The following FGFR1 variants were observed in gnomAD, a reference collection of about 807,000 sequenced individuals.
The protein encoded by FGFR1 is fibroblast growth factor receptor 1.
Under a neutral mutation model 93.7 loss-of-function variants are expected in FGFR1, and 18 were observed. That is an observed-to-expected ratio of 0.19 (90% CI 0.13 to 0.28). The LOEUF is 0.28. FGFR1 is among the 10% of genes least tolerant of loss of function. FGFR1 has a pLI of 1.00. For synonymous variants in FGFR1, 448 were observed against 429.3 expected (o/e 1.04, Z -0.54); for missense variants, 731 against 1,080.4 (o/e 0.68, Z 4.53).
chr8:38,455,711 T>A (rs1193748833), intron 2 of FGFR1, among the ~76,000 whole-genome samples: 1 of 152,210 alleles, frequency 6.6e-6, no homozygotes, highest in African/African-American at 2.4e-5. Context: ...ATAAACCATA[T>A]ACATGCTGTC....
chr8:38,427,750 C>T (rs1821304275), intron 5 of FGFR1, among the ~76,000 whole-genome samples, 171 bp downstream of exon 5: 1 of 152,112 alleles, frequency 6.6e-6, no homozygotes, highest in African/African-American at 2.4e-5. Context: ...AGAAAGAAGA[C>T]TGAAGAAATG....
chr8:38,420,855 G>T (rs1818485838), intron 8 of FGFR1, among the ~76,000 whole-genome samples: 1 of 152,234 alleles, frequency 6.6e-6, no homozygotes, highest in Non-Finnish European at 1.5e-5. Flanking sequence ...CAGAGCTGAT[G>T]ACAGGGAGAA....
intron 2 of FGFR1, among the ~76,000 whole-genome samples, chr8:38,451,676 A>C (rs796418991): frequency 6.6e-6 from 1 of 152,186 alleles, no homozygotes; most frequent in African/African-American, 2.4e-5. Context: ...GACTCCTTCA[A>C]ATCTGGGTGG....
Position 38,415,867 on chromosome 8 carries a change from C to A in FGFR1, c.1854+3G>T. 1 of 1,613,458 alleles carries A rather than the reference C, an allele frequency of 6.2e-7. No individual in the cohort carries two copies. The highest frequency in any genetic ancestry group is 8.5e-7 in the Non-Finnish European group (1 of 1,180,000). On this transcript the variant is annotated splice_donor_region_variant and intron_variant, in intron 13 of 17. Transcript: ENST00000447712. Reference sequence around the variant, plus strand: ...TACCCAGGGGAGCCTTCAGGTTCCACACCTTCTTGGAGGCCAGATACTCCA... The same window carrying A: ...TACCCAGGGGAGCCTTCAGGTTCCAAACCTTCTTGGAGGCCAGATACTCCA...
chr8:38,446,249 T>C (rs1487861610), intron 2 of FGFR1, among the ~76,000 whole-genome samples: 1 of 149,940 alleles, frequency 6.7e-6, no homozygotes, highest in African/African-American at 2.5e-5. Flanking sequence ...TCTTGCTATG[T>C]AGCCAGGCTG....
chr8:38,427,180 C>T (rs574453250), intron 5 of FGFR1, among the ~76,000 whole-genome samples: 68 of 152,012 alleles, frequency 4.5e-4, no homozygotes, highest in Non-Finnish European at 9.1e-4. Context: ...AGGAAGCACG[C>T]TTAAAAAAAT....
intron 2 of FGFR1, among the ~76,000 whole-genome samples, chr8:38,456,990 C>T (rs1779372945): frequency 6.6e-6 from 1 of 152,178 alleles, no homozygotes; most frequent in South Asian, 2.1e-4. Context: ...TCATTCTCTC[C>T]CCATTGCACC....
chr8:38,428,154 G>C (rs2150922892), intron 4 of FGFR1, 61 bp from the exon 5 acceptor site: 5 of 1,608,434 alleles, frequency 3.1e-6, no homozygotes, highest in Non-Finnish European at 4.2e-6. Context: ...TCAGGCTCAG[G>C]AGCAGGGCCC....
intron 13 of FGFR1, among the ~76,000 whole-genome samples, chr8:38,415,302 A>G (rs768011536): frequency 2.6e-5 from 4 of 151,442 alleles, no homozygotes; most frequent in Non-Finnish European, 5.9e-5. Context: ...GTTATACTTT[A>G]TTTTCTTTTG....
At chr8:38,418,612 C>G in intron 9 of FGFR1, 1 of 573,414 alleles carries the variant, frequency 1.7e-6, no homozygotes, top group Non-Finnish European at 3.1e-6. Flanking sequence ...ATAAGCAGAC[C>G]AAATGCACCT....
At chr8:38,463,519 T>C (rs1268227947) in intron 1 of FGFR1, 1 of 221,602 alleles carries the variant, frequency 4.5e-6, no homozygotes. Flanking sequence ...ACAGGGTCTG[T>C]GCCTCCCTAA....
intron 2 of FGFR1, among the ~76,000 whole-genome samples, chr8:38,438,204 G>C (rs1038379729): frequency 2.6e-5 from 4 of 151,738 alleles, no homozygotes; most frequent in Non-Finnish European, 5.9e-5. Flanking sequence ...ATAGTTCTCA[G>C]CATGTGTTAA....
intron 2 of FGFR1, chr8:38,434,356 G>A (rs1292861347): frequency 2.3e-5 from 5 of 218,598 alleles, no homozygotes; most frequent in South Asian, 1.7e-4. Context: ...TATAACAACC[G>A]CTAATCAGTT....
At position 38,419,362 on chromosome 8, in the gene FGFR1, A is replaced by G. The variant is rs17176002; in HGVS notation, c.1284+171T>C. Among the ~76,000 whole-genome samples, 400 of 152,296 alleles carry G rather than the reference A, an allele frequency of 2.6e-3. 3 individuals are homozygous for G. Among genetic ancestry groups the G allele is most frequent in the Middle Eastern group, 0.017 (5 of 294 alleles). On this transcript the variant is annotated intron_variant, in intron 9 of 17. Coordinates refer to ENST00000447712, the MANE Select transcript of FGFR1 (RefSeq NM_023110.3). ...AGGGTGCAGGAAATTCACGGGCTAC[A>G]CTAGCTTGAAACAGACTCTAGAGCA...
intron 1 of FGFR1, among the ~76,000 whole-genome samples, chr8:38,460,546 G>C (rs745783286): frequency 6.6e-6 from 1 of 152,050 alleles, no homozygotes; most frequent in Non-Finnish European, 1.5e-5. Context: ...GCTGCAGACC[G>C]CCCTCTCTCA....
chr8:38,414,123 C>T (rs1815412925), intron 16 of FGFR1, 29 bp downstream of exon 16: 1 of 1,614,212 alleles, frequency 6.2e-7, no homozygotes, highest in Non-Finnish European at 8.5e-7. Context: ...AGGCCTGGCT[C>T]AGGGCCTCCG....
At position 38,450,666 on chromosome 8, in the gene FGFR1, T is replaced by C. The variant is rs552188498; in HGVS notation, c.91+6690A>G. Among the ~76,000 whole-genome samples the C allele has an allele frequency of 2.6e-5, 4 of 152,224 alleles. No individual in the cohort carries two copies. In the East Asian group the frequency reaches 7.7e-4, roughly 29 times the overall value. On this transcript the variant is annotated intron_variant, in intron 2 of 17. Coordinates refer to ENST00000447712, the MANE Select transcript of FGFR1 (RefSeq NM_023110.3). ...ACTCCAGGTAGTCACAGGAACCAGG[T>C]GATGGAAACCCTGACAGAGTCTTTG...
rs2150477188 is a variant in FGFR1 at position 38,411,608 on chromosome 8, T to C, written c.*2020A>G. The C allele has an allele frequency of 8.8e-6, 2 of 228,536 alleles. No individual in the cohort carries two copies. Among genetic ancestry groups the C allele is most frequent in the Middle Eastern group, 2.7e-3 (2 of 750 alleles). 14.2% of individuals were successfully genotyped at this position (228,536 alleles called of 1,614,324 possible). ...TTTTCCCTACAGAAATGAAAACATA[T>C]TGAACTTTCTTTTGTATTTAGCAGT... On this transcript the variant is annotated 3_prime_UTR_variant, in exon 18 of 18. Coordinates refer to ENST00000447712, the MANE Select transcript of FGFR1 (RefSeq NM_023110.3).
In FGFR1 at chr8:38,412,116, A is replaced by C. The variant is rs1814579892; in HGVS notation, c.*1512T>G. On this transcript the variant is annotated 3_prime_UTR_variant, in exon 18 of 18. Coordinates refer to ENST00000447712, the MANE Select transcript of FGFR1 (RefSeq NM_023110.3). ...TGCCCAGGCTGGAGTGCAATGGCGCAATCTCGGCTCACTGCAACCTCCGCC... is the reference window on the plus strand; with the variant it reads ...TGCCCAGGCTGGAGTGCAATGGCGCCATCTCGGCTCACTGCAACCTCCGCC... The C allele has an allele frequency of 4.8e-6, 1 of 209,210 alleles. No homozygotes were observed. The highest frequency in any genetic ancestry group is 5.9e-5 in the Admixed American group (1 of 16,952). The allele number at this position is 209,210 out of a possible 1,614,324, so 13.0% of individuals were successfully genotyped here. A position where few individuals can be genotyped will look rare whatever the true frequency, so the allele number is the denominator to read the frequency against.
Sources: allele counts gnomAD v4.1 joint callset (sites outside exome capture counted in the v4.1 genomes callset), GRCh38; gene constraint gnomAD v4.1.1; transcripts MANE v1.5; gene names NCBI Gene and HGNC (gene_info 2026-07-23, HGNC 2026-07-21).